ZNF804A: variants seen among roughly 807,000 people sequenced by gnomAD.
ZNF804A encodes zinc finger protein 804A.
In ZNF804A, 2 loss-of-function variants were observed where a neutral mutation model predicts 16.5. The observed-to-expected ratio is 0.12, with a 90% confidence interval of 0.05 to 0.38. The LOEUF is 0.38. Among genes scored for constraint, ZNF804A ranks in the 10% least tolerant of loss-of-function variants. The pLI is 0.99. For synonymous variants in ZNF804A, 534 were observed against 489.6 expected (o/e 1.09, Z -1.20); for missense variants, 1,473 against 1,390.7 (o/e 1.06, Z -0.94).
intron 1 of ZNF804A, among the ~76,000 whole-genome samples, chr2:184,848,408 C>T (rs1574239771): frequency 6.6e-6 from 1 of 151,976 alleles, no homozygotes; most frequent in East Asian, 1.9e-4. Flanking sequence ...CAAAGGTATT[C>T]TATCACTGTT....
chr2:184,652,526 G>A (rs1692002830), intron 1 of ZNF804A, among the ~76,000 whole-genome samples: 1 of 152,084 alleles, frequency 6.6e-6, no homozygotes, highest in Admixed American at 6.6e-5. Context: ...ATTGGATTTT[G>A]AGAATGGGAG....
intron 1 of ZNF804A, among the ~76,000 whole-genome samples, chr2:184,667,018 G>A (rs916655515): frequency 1.3e-5 from 2 of 151,870 alleles, no homozygotes; most frequent in African/African-American, 4.8e-5. Context: ...ATAATGTTGA[G>A]GGTATAGAAA....
intron 1 of ZNF804A, among the ~76,000 whole-genome samples, chr2:184,741,001 A>G (rs1693702092): frequency 6.6e-6 from 1 of 152,186 alleles, no homozygotes; most frequent in Non-Finnish European, 1.5e-5. Flanking sequence ...AATTATAAAG[A>G]TTAGAATTAA....
chr2:184,810,231 AAATATTTGC>A (rs1292688030), intron 1 of ZNF804A, among the ~76,000 whole-genome samples: 1 of 152,134 alleles, frequency 6.6e-6, no homozygotes, highest in Non-Finnish European at 1.5e-5. Context: ...CCAAAGACTA[AAATATTTGC>A]AATTTTTATA....
rs200076566 is a variant in ZNF804A, at chr2:184,938,542, G to A, written c.3146G>A (p.Cys1049Tyr). 31 of 1,614,074 alleles carry A rather than the reference G, an allele frequency of 1.9e-5. No homozygotes were observed. Among genetic ancestry groups the A allele is most frequent in the Admixed American group, 8.3e-5 (5 of 59,988 alleles). ...CATGACAAATTCAAAAATGTACCATGTGAGGTCTACCAGCACATTCTGCAG... is the reference window on the plus strand; with the variant it reads ...CATGACAAATTCAAAAATGTACCATATGAGGTCTACCAGCACATTCTGCAG... The part of the protein sequence containing the change: ...ENHDKFKNVP[C>Y]EVYQHILQPN... Residue 1049 changes from cysteine to tyrosine, a missense_variant, in exon 4 of 4, where the codon TGT (cysteine) becomes TAT (tyrosine). Physicochemically the swap from Cys to Tyr is radical, Grantham distance 194. Coordinates refer to ENST00000302277, the MANE Select transcript of ZNF804A (RefSeq NM_194250.2).
chr2:184,729,458 C>A (rs1281312639), intron 1 of ZNF804A, among the ~76,000 whole-genome samples: 1 of 151,766 alleles, frequency 6.6e-6, no homozygotes, highest in African/African-American at 2.4e-5. Context: ...TGAAATGGAA[C>A]CCATGATTTC....
At chr2:184,614,365 A>G (rs1559108496) in intron 1 of ZNF804A, among the ~76,000 whole-genome samples, 1 of 152,242 alleles carries the variant, frequency 6.6e-6, no homozygotes, top group East Asian at 1.9e-4. Context: ...CATTCAGGAC[A>G]TAGGTATGGG....
At chr2:184,640,559 A>G (rs142906855) in intron 1 of ZNF804A, among the ~76,000 whole-genome samples, 1 of 152,292 alleles carries the variant, frequency 6.6e-6, no homozygotes, top group Non-Finnish European at 1.5e-5. Context: ...AAAACTACAG[A>G]CCAATATTCC....
rs1257919835 is a variant in ZNF804A at position 184,937,437 on chromosome 2, T to A, written c.2041T>A (p.Tyr681Asn). Residue 681 changes from tyrosine to asparagine, a missense_variant, in exon 4 of 4, where the codon TAC becomes AAC. By Grantham distance (143) the Tyr-to-Asn change is moderately radical. Transcript: ENST00000302277. Reference protein sequence around the residue: ...EEMCKTWNTEYNTYDTISSKN... With the variant: ...EEMCKTWNTENNTYDTISSKN... The stretch of plus-strand genomic sequence containing the variant: ...AATGTGTAAAACATGGAATACTGAA[T>A]ACAACACTTATGATACTATCAGTTC... 1 of 1,612,266 alleles carries A rather than the reference T, an allele frequency of 6.2e-7. No individual in the cohort carries two copies. The highest frequency in any genetic ancestry group is 1.3e-5 in the African/African-American group (1 of 74,892).
intron 1 of ZNF804A, among the ~76,000 whole-genome samples, chr2:184,836,115 G>A (rs1357650939): frequency 6.6e-6 from 1 of 152,136 alleles, no homozygotes. Flanking sequence ...TTACTGGATT[G>A]CTGTAAAGGC....
chr2:184,891,659 G>A (rs1684986527), intron 2 of ZNF804A, among the ~76,000 whole-genome samples: 2 of 152,044 alleles, frequency 1.3e-5, no homozygotes, highest in Non-Finnish European at 2.9e-5. Context: ...ACAGTCCTAT[G>A]TTCTTTCTAC....
chr2:184,739,495 G>A (rs1693681264), intron 1 of ZNF804A, among the ~76,000 whole-genome samples: 1 of 152,164 alleles, frequency 6.6e-6, no homozygotes, highest in African/African-American at 2.4e-5. Flanking sequence ...CTGGGTTCAA[G>A]CGATTGTTGT....
intron 1 of ZNF804A, among the ~76,000 whole-genome samples, chr2:184,668,588 G>T (rs939905269): frequency 1.3e-5 from 2 of 151,768 alleles, no homozygotes; most frequent in African/African-American, 4.8e-5. Flanking sequence ...CCCTCAGAAG[G>T]TTCAAAAACT....
chr2:184,745,364 C>T (rs1693773225), intron 1 of ZNF804A, among the ~76,000 whole-genome samples: 1 of 151,706 alleles, frequency 6.6e-6, no homozygotes, highest in Admixed American at 6.6e-5. Context: ...TTTGCTGAAA[C>T]ATTTGCCATG....
chr2:184,736,518 C>T (rs1051644438), intron 1 of ZNF804A, among the ~76,000 whole-genome samples: 3 of 151,978 alleles, frequency 2.0e-5, no homozygotes, highest in African/African-American at 7.3e-5. Flanking sequence ...CCAAATACCA[C>T]ATGGGAGTTC....
chr2:184,852,857 A>G (rs1286547329), intron 1 of ZNF804A, among the ~76,000 whole-genome samples: 1 of 151,728 alleles, frequency 6.6e-6, no homozygotes, highest in African/African-American at 2.4e-5. Context: ...TTTGTGGCAT[A>G]TTTTGAAATT....
intron 1 of ZNF804A, among the ~76,000 whole-genome samples, chr2:184,671,178 G>A (rs1016099701): frequency 6.6e-6 from 1 of 152,108 alleles, no homozygotes; most frequent in Non-Finnish European, 1.5e-5. Context: ...CTAAAGTTTT[G>A]TTTTGAATCA....
Position 184,636,223 on chromosome 2 carries a change from C to CT in ZNF804A, c.111+37162dup, listed in dbSNP as rs146807772. ...AATCAAATATTCAGTGACTCAATGG[C>CT]TTTTTTTTTAATGTTTCTCCCATTA... On this transcript the variant is annotated intron_variant, in intron 1 of 3. Coordinates refer to ENST00000302277, the MANE Select transcript of ZNF804A (RefSeq NM_194250.2). Among the ~76,000 whole-genome samples, 501 of 150,164 alleles carry CT rather than the reference C, an allele frequency of 3.3e-3. 3 individuals carry two copies. Among genetic ancestry groups the CT allele is most frequent in the African/African-American group, 0.011 (431 of 40,828 alleles).
At chr2:184,789,355 G>C (rs1341876207) in intron 1 of ZNF804A, among the ~76,000 whole-genome samples, 1 of 152,062 alleles carries the variant, frequency 6.6e-6, no homozygotes, top group Non-Finnish European at 1.5e-5. Context: ...CGTAGAATGA[G>C]TTAAAGAAAG....
Sources: gnomAD v4.1 joint callset for allele counts (sites outside exome capture counted in the v4.1 genomes callset) on GRCh38, gnomAD v4.1.1 for gene constraint, MANE v1.5 for transcripts, NCBI Gene and HGNC (gene_info 2026-07-23, HGNC 2026-07-21) for gene names.